The following EPC2 variants were observed in gnomAD, a reference collection of about 807,000 sequenced individuals.
EPC2 encodes enhancer of polycomb 2.
EPC2 carries 14 observed loss-of-function variants against 92.1 expected under a neutral mutation model. The ratio of observed to expected loss-of-function variants is 0.15; its 90% CI spans 0.10 to 0.24. EPC2 has a LOEUF of 0.24. Among genes scored for constraint, EPC2 ranks in the 10% least tolerant of loss-of-function variants. The pLI is 1.00. For missense variants in EPC2, 755 were observed against 971.5 expected (o/e 0.78, Z 2.96); for synonymous variants, 340 against 334.7 (o/e 1.02, Z -0.17).
chr2:148,775,900 C>G (rs1683633341), intron 10 of EPC2, among the ~76,000 whole-genome samples: 1 of 150,206 alleles, frequency 6.7e-6, no homozygotes, highest in Non-Finnish European at 1.5e-5. Flanking sequence ...GCCTCAGCCT[C>G]CCAAGTAGCT....
At chr2:148,712,909 G>C (rs962129431) in intron 2 of EPC2, among the ~76,000 whole-genome samples, 3 of 151,668 alleles carry the variant, frequency 2.0e-5, no homozygotes, top group Non-Finnish European at 2.9e-5. Context: ...AGTATAGCAT[G>C]CTAGCCAGGT....
chr2:148,702,287 A>C (rs1184522990), intron 2 of EPC2, among the ~76,000 whole-genome samples: 1 of 152,218 alleles, frequency 6.6e-6, no homozygotes, highest in Non-Finnish European at 1.5e-5. Flanking sequence ...AAATTTACCT[A>C]ATGTAAAAAT....
chr2:148,754,082 T>C lies in EPC2; in HGVS notation c.615T>C (p.Asn205=). 1 of 1,610,692 alleles carries C rather than the reference T, an allele frequency of 6.2e-7. No individual in the cohort carries two copies. Among genetic ancestry groups the C allele is most frequent in the Non-Finnish European group, 8.5e-7 (1 of 1,178,470 alleles). The change falls in exon 4 of 14, where the codon AAT becomes AAC. Residue 205 remains asparagine (N), a synonymous_variant. Transcript: ENST00000258484. ...KQEKRDGSTN[N]DPYVAFRRRT... is the part of the protein sequence containing the mutation. ...AGAAAAGAGATGGCTCTACCAACAA[T>C]GACCCTTATGTTGCCTTTCGGAGAA...
rs183980209 is a variant in EPC2 at position 148,648,024 on chromosome 2, C to G, written c.153+2854C>G. ...TTGGATACTTTTCAGTAGCCTACTT[C>G]AATTGCCCAATTTTAAGGAAGAAGA... On this transcript the variant is annotated intron_variant, in intron 1 of 13. Transcript: ENST00000258484. Among the ~76,000 whole-genome samples, 7 of 152,330 alleles carry G rather than the reference C, an allele frequency of 4.6e-5. No individual in the cohort carries two copies. In the East Asian group the frequency reaches 9.6e-4, roughly 21 times the overall value.
chr2:148,654,283 C>T (rs748924751), intron 1 of EPC2, among the ~76,000 whole-genome samples: 3 of 152,044 alleles, frequency 2.0e-5, no homozygotes, highest in Non-Finnish European at 2.9e-5. Context: ...AAGTCTGTGT[C>T]TTATAGGCAA....
At chr2:148,756,180 A>G (rs1683186619) in intron 4 of EPC2, among the ~76,000 whole-genome samples, 1 of 152,172 alleles carries the variant, frequency 6.6e-6, no homozygotes, top group Non-Finnish European at 1.5e-5. Context: ...GGTTTTCCTG[A>G]CACTCTGATT....
intron 2 of EPC2, chr2:148,691,640 A>C (rs186131508): frequency 5.8e-6 from 9 of 1,545,456 alleles, no homozygotes; most frequent in South Asian, 2.4e-5. Context: ...GACACTACCA[A>C]CCGGAGACCA....
chr2:148,765,885 A>G (rs1229406038), intron 7 of EPC2, among the ~76,000 whole-genome samples: 1 of 145,866 alleles, frequency 6.9e-6, no homozygotes, highest in Non-Finnish European at 1.5e-5. Context: ...AAACAAAAAA[A>G]ATCAGCCAGG....
At chr2:148,709,823 T>C (rs1682094181) in intron 2 of EPC2, among the ~76,000 whole-genome samples, 1 of 152,238 alleles carries the variant, frequency 6.6e-6, no homozygotes, top group South Asian at 2.1e-4. Context: ...GATCCCTTCC[T>C]TACATCTTAT....
chr2:148,744,989 GCC>G lies in EPC2; in HGVS notation c.459+1233_459+1234del, dbSNP rs34269450. Among the ~76,000 whole-genome samples the G allele has an allele frequency of 6.0e-4, 28 of 46,358 alleles. 3 individuals carry two copies. The highest frequency in any genetic ancestry group is 8.8e-4 in the Admixed American group (3 of 3,420). The allele number at this position is 46,358 out of a possible 152,430, so 30.4% of individuals were successfully genotyped here. A position where few individuals can be genotyped will look rare whatever the true frequency, so the allele number is the denominator to read the frequency against. On this transcript the variant is annotated intron_variant, in intron 3 of 13. Transcript: ENST00000258484. ...TGCTGCATATTTAGCCTATCAGTTT[GCC>G]CCCCCCCCCCGCACCATTTTGATGA...
intron 2 of EPC2, chr2:148,692,821 A>G: frequency 6.6e-6 from 1 of 152,188 alleles, no homozygotes; most frequent in Non-Finnish European, 1.5e-5. Context: ...AATACAATAA[A>G]CATTATTCTT....
At chr2:148,669,201 C>T (rs906906741) in intron 1 of EPC2, among the ~76,000 whole-genome samples, 1 of 152,164 alleles carries the variant, frequency 6.6e-6, no homozygotes, top group Non-Finnish European at 1.5e-5. Flanking sequence ...TTAGGTTTGA[C>T]TCTGTCATCT....
chr2:148,687,687 G>A (rs1316593106), intron 1 of EPC2, among the ~76,000 whole-genome samples: 1 of 152,136 alleles, frequency 6.6e-6, no homozygotes, highest in African/African-American at 2.4e-5. Flanking sequence ...CTGACAAAAC[G>A]ATGCTGCTTG....
intron 1 of EPC2, among the ~76,000 whole-genome samples, chr2:148,662,441 G>A (rs1477529806): frequency 6.6e-6 from 1 of 152,154 alleles, no homozygotes; most frequent in East Asian, 1.9e-4. Flanking sequence ...CGATAGACTG[G>A]ATTAAGAAAA....
rs1289640582 is a variant in EPC2 at position 148,786,782 on chromosome 2, A to T, written c.*405A>T. 1 of 153,346 alleles carries T rather than the reference A, an allele frequency of 6.5e-6. No homozygotes were observed. The highest frequency in any genetic ancestry group is 1.5e-5 in the Non-Finnish European group (1 of 68,544). The allele number at this position is 153,346 out of a possible 1,614,324, so 9.5% of individuals were successfully genotyped here. On this transcript the variant is annotated 3_prime_UTR_variant, in exon 14 of 14. Coordinates refer to ENST00000258484, the MANE Select transcript of EPC2 (RefSeq NM_015630.4). ...AAAAATAAATCCAACTTTGTGTCTA[A>T]AAAGTTAAAGATTCATAGCTAGGAA...
At chr2:148,709,214 G>GA (rs1257608938) in intron 2 of EPC2, among the ~76,000 whole-genome samples, 1 of 151,962 alleles carries the variant, frequency 6.6e-6, no homozygotes, top group African/African-American at 2.4e-5. Flanking sequence ...GACAAACAGA[G>GA]GCCAAATCAT....
rs1558837504 is a variant in EPC2, at chr2:148,775,703, T to TTTAATTAAATAAAATTAAATAA, written c.1720+4316_1720+4317insTTAATTAAATAAAATTAAATAA. On this transcript the variant is annotated intron_variant, in intron 10 of 13. Transcript: ENST00000258484. ...TAATTTAATTAAATAAAATTAAATA[T>TTTAATTAAATAAAATTAAATAA]CTTTATTAAATAAAAAATTAAATAT... Among the ~76,000 whole-genome samples, 6 of 90,170 alleles carry TTTAATTAAATAAAATTAAATAA rather than the reference T, an allele frequency of 6.7e-5. No individual in the cohort carries two copies. The East Asian group carries it at 2.1e-3, about 31-fold the overall frequency. The allele number at this position is 90,170 out of a possible 152,430, so 59.2% of individuals were successfully genotyped here.
chr2:148,727,528 A>G (rs1682523267), intron 2 of EPC2, among the ~76,000 whole-genome samples: 1 of 152,200 alleles, frequency 6.6e-6, no homozygotes, highest in African/African-American at 2.4e-5. Context: ...ACTTTCTATG[A>G]CATATTTATT....
intron 2 of EPC2, among the ~76,000 whole-genome samples, chr2:148,719,414 TG>T (rs1197038198): frequency 6.6e-6 from 1 of 152,142 alleles, no homozygotes; most frequent in African/African-American, 2.4e-5. Context: ...GACCTTTGGG[TG>T]GTATTTTGTG....
Sources: gnomAD v4.1 joint callset for allele counts (sites outside exome capture counted in the v4.1 genomes callset) on GRCh38, gnomAD v4.1.1 for gene constraint, MANE v1.5 for transcripts, NCBI Gene and HGNC (gene_info 2026-07-23, HGNC 2026-07-21) for gene names.